The following CHCHD4 variants were observed in gnomAD, a reference collection of about 807,000 sequenced individuals.
CHCHD4 encodes coiled-coil-helix-coiled-coil-helix domain containing 4, also known as mitochondrial intermembrane space import and assembly protein 40.
Under a neutral mutation model 12.4 loss-of-function variants are expected in CHCHD4, and 7 were observed. The ratio of observed to expected loss-of-function variants is 0.57; its 90% confidence interval spans 0.32 to 1.06. The LOEUF is 1.06. CHCHD4 is among the 50% of genes least tolerant of loss of function. CHCHD4 has a pLI of 0.04. For synonymous variants in CHCHD4, 56 were observed against 58.0 expected (o/e 0.97, Z 0.16); for missense variants, 143 against 175.1 (o/e 0.82, Z 1.03).
chr3:14,124,765 G>C lies in CHCHD4; in HGVS notation c.-89C>G. On this transcript the variant is annotated 5_prime_UTR_variant, in exon 1 of 3. Coordinates refer to ENST00000396914, the MANE Select transcript of CHCHD4 (RefSeq NM_001098502.2). ...TGACCTCCCTCTCCTCTGGCAGGGC[G>C]GGCTCCTCCGAAGCCCGCGCGGACC... The C allele has an allele frequency of 7.1e-7, 1 of 1,409,532 alleles. No homozygotes were observed. The highest frequency in any genetic ancestry group is 9.4e-7 in the Non-Finnish European group (1 of 1,059,982). The allele number at this position is 1,409,532 out of a possible 1,614,324, so 87.3% of individuals were successfully genotyped here. A position where few individuals can be genotyped will look rare whatever the true frequency, so the allele number is the denominator to read the frequency against.
In CHCHD4 at chr3:14,112,877, G is replaced by A; in HGVS notation, c.*10C>T. ...CAAAAGGACTGGTGCCCAGTGCCTT[G>A]TGGCCTTCATTAACTTGATCCCTCC... On this transcript the variant is annotated 3_prime_UTR_variant, in exon 3 of 3. Coordinates refer to ENST00000396914, the MANE Select transcript of CHCHD4 (RefSeq NM_001098502.2). The A allele has an allele frequency of 6.2e-7, 1 of 1,605,108 alleles. No individual in the cohort carries two copies. The highest frequency in any genetic ancestry group is 1.3e-5 in the African/African-American group (1 of 74,612).
Position 14,112,995 on chromosome 3 carries a change from T to C in CHCHD4, c.321A>G (p.Gln107=). 2 of 1,613,798 alleles carry C rather than the reference T, an allele frequency of 1.2e-6. No individual in the cohort carries two copies. The change falls in exon 3 of 3, where the codon CAA becomes CAG. Residue 107 remains glutamine (Q), a synonymous_variant. Coordinates refer to ENST00000396914, the MANE Select transcript of CHCHD4 (RefSeq NM_001098502.2). ...TTTCCTCTTCCTCATCCTCATCCTC[T>C]TGGGGATAGAGGTCTGGGTATTTCT... The part of the protein sequence containing the change: ...CMQKYPDLYP[Q]EDEDEEEERE...
chr3:14,124,609 CG>C, intron 1 of CHCHD4, 45 bp downstream of exon 1: 1 of 1,471,264 alleles, frequency 6.8e-7, no homozygotes, highest in Non-Finnish European at 9.0e-7. Flanking sequence ...GCGTGTCTCC[CG>C]CAGGCCCTCG....
chr3:14,116,427 A>T lies in CHCHD4; in HGVS notation c.120T>A (p.His40Gln). Residue 40 changes from histidine to glutamine, a missense_variant and splice_region_variant, in exon 2 of 3, where the codon CAT becomes CAA. His to Gln is a conservative substitution (Grantham distance 24, BLOSUM62 0). Coordinates refer to ENST00000396914, the MANE Select transcript of CHCHD4 (RefSeq NM_001098502.2). ...ADDPNDPYEE[H>Q]GLILPNGNIN... ...CCTGGGAGGCCACATGTCACTCACC[A>T]TGCTCCTCGTATGGATCGTTGGGGT... 1 of 1,601,180 alleles carries T rather than the reference A, an allele frequency of 6.2e-7. No individual in the cohort carries two copies. The highest frequency in any genetic ancestry group is 8.5e-7 in the Non-Finnish European group (1 of 1,172,522).
Position 14,112,525 on chromosome 3 carries a change from C to T in CHCHD4, c.*362G>A, listed in dbSNP as rs1167806968. The T allele has an allele frequency of 7.2e-5, 13 of 181,818 alleles. No homozygotes were observed. Among genetic ancestry groups the T allele is most frequent in the Non-Finnish European group, 1.0e-4 (9 of 87,388 alleles). 11.3% of individuals were successfully genotyped at this position (181,818 alleles called of 1,614,324 possible). On this transcript the variant is annotated 3_prime_UTR_variant, in exon 3 of 3. Transcript: ENST00000396914. ...ATTTCCCCAAGGGGTATAAAATCTACCAAAAGGAATATAATGAATCAGAAT... is the reference window on the plus strand; with the variant it reads ...ATTTCCCCAAGGGGTATAAAATCTATCAAAAGGAATATAATGAATCAGAAT...
chr3:14,117,934 G>A (rs890185996), intron 1 of CHCHD4, among the ~76,000 whole-genome samples: 1 of 152,162 alleles, frequency 6.6e-6, no homozygotes, highest in African/African-American at 2.4e-5. Context: ...GCATGACTGG[G>A]CACTGCCTGA....
At chr3:14,123,096 T>C (rs1288969342) in intron 1 of CHCHD4, among the ~76,000 whole-genome samples, 1 of 152,066 alleles carries the variant, frequency 6.6e-6, no homozygotes, top group African/African-American at 2.4e-5. Context: ...ATGCACAAGA[T>C]AAATACTAAG....
chr3:14,122,055 G>A, intron 1 of CHCHD4: 1 of 1,606,782 alleles, frequency 6.2e-7, no homozygotes, highest in Non-Finnish European at 8.5e-7. Context: ...GAGGGGAATA[G>A]ACATTCCAGA....
At chr3:14,122,984 G>A (rs1460409145) in intron 1 of CHCHD4, among the ~76,000 whole-genome samples, 1 of 145,596 alleles carries the variant, frequency 6.9e-6, no homozygotes, top group Non-Finnish European at 1.5e-5. Context: ...CTCTGATACA[G>A]TAAGCAGTTT....
At chr3:14,123,863 G>A (rs1003099097) in intron 1 of CHCHD4, among the ~76,000 whole-genome samples, 16 of 152,186 alleles carry the variant, frequency 1.1e-4, no homozygotes, top group Admixed American at 3.3e-4. Flanking sequence ...GAGCTCTTGG[G>A]TAGAGTAACA....
At chr3:14,115,855 A>G (rs1401183218) in intron 2 of CHCHD4, among the ~76,000 whole-genome samples, 1 of 152,228 alleles carries the variant, frequency 6.6e-6, no homozygotes, top group Non-Finnish European at 1.5e-5. Context: ...AGTAGTAAGT[A>G]TCTAGTGAGT....
At position 14,113,316 on chromosome 3, in the gene CHCHD4, C is replaced by T. The variant is rs72624478; in HGVS notation, c.122-122G>A. On this transcript the variant is annotated intron_variant, in intron 2 of 2. Coordinates refer to ENST00000396914, the MANE Select transcript of CHCHD4 (RefSeq NM_001098502.2). ...TATTGTTGCCTATGGACCCACACCTCGATTTGGATTAGGTTTAAAGCCTAG... is the reference window on the plus strand; with the variant it reads ...TATTGTTGCCTATGGACCCACACCTTGATTTGGATTAGGTTTAAAGCCTAG... 5.1e-3 allele frequency: 3,903 copies of T among 761,848 alleles called. 107 individuals carry two copies. The Admixed American group carries it at 0.059, about 11-fold the overall frequency. 47.2% of individuals were successfully genotyped at this position (761,848 alleles called of 1,614,324 possible). A position where few individuals can be genotyped will look rare whatever the true frequency, so the allele number is the denominator to read the frequency against.
At chr3:14,123,040 G>A (rs949507673) in intron 1 of CHCHD4, among the ~76,000 whole-genome samples, 1 of 152,032 alleles carries the variant, frequency 6.6e-6, no homozygotes, top group Non-Finnish European at 1.5e-5. Context: ...AGGATCAGTG[G>A]GGGGCGGAGG....
chr3:14,121,984 G>C (rs773462205), intron 1 of CHCHD4: 1 of 1,614,102 alleles, frequency 6.2e-7, no homozygotes, highest in South Asian at 1.1e-5. Context: ...GCATCCAGTG[G>C]AGAAGACGGA....
intron 1 of CHCHD4, among the ~76,000 whole-genome samples, chr3:14,116,735 A>G (rs555297079): frequency 1.3e-5 from 2 of 152,304 alleles, no homozygotes; most frequent in South Asian, 4.1e-4. Flanking sequence ...ACTGAAGAAA[A>G]AGAGTGTCCT....
chr3:14,117,661 G>C (rs1694889954), intron 1 of CHCHD4, among the ~76,000 whole-genome samples: 2 of 152,196 alleles, frequency 1.3e-5, no homozygotes, highest in South Asian at 2.1e-4. Context: ...AGTTTCTCCA[G>C]CTGTCCCCAG....
chr3:14,119,380 A>G (rs1694909321), intron 1 of CHCHD4: 1 of 152,080 alleles, frequency 6.6e-6, no homozygotes, highest in Non-Finnish European at 1.5e-5. Context: ...CTGGTCTGAA[A>G]GATCTGGAGT....
intron 1 of CHCHD4, among the ~76,000 whole-genome samples, chr3:14,121,222 G>A (rs1245376618): frequency 6.6e-6 from 1 of 152,156 alleles, no homozygotes; most frequent in Non-Finnish European, 1.5e-5. Context: ...TGTCTTGTCT[G>A]TGTTTTACTG....
At chr3:14,123,079 C>G (rs779909171) in intron 1 of CHCHD4, among the ~76,000 whole-genome samples, 2 of 152,046 alleles carry the variant, frequency 1.3e-5, no homozygotes, top group Non-Finnish European at 2.9e-5. Context: ...CTTACGGGGA[C>G]AGTGGTATGC....
Sources: allele counts gnomAD v4.1 joint callset (sites outside exome capture counted in the v4.1 genomes callset), GRCh38; gene constraint gnomAD v4.1.1; transcripts MANE v1.5; gene names NCBI Gene and HGNC (gene_info 2026-07-23, HGNC 2026-07-21).